The following UBQLN4 variants were observed in gnomAD, a reference collection of about 807,000 sequenced individuals.
The protein encoded by UBQLN4 is ubiquilin-4.
UBQLN4 carries 11 observed loss-of-function variants against 60.4 expected under a neutral mutation model. The observed-to-expected ratio is 0.18, with a 90% confidence interval of 0.11 to 0.30. The LOEUF (loss-of-function observed/expected upper bound fraction) is 0.30, where lower values mean the gene tolerates loss of function less well. Ranked by LOEUF, UBQLN4 falls within the 10% of genes least tolerant of loss-of-function variation. UBQLN4 has a pLI of 1.00. For synonymous variants in UBQLN4, 258 were observed against 313.1 expected, an observed-to-expected ratio of 0.82 and a Z score of 1.86; for missense variants, 417 against 795.5, an observed-to-expected ratio of 0.52 and a Z score of 5.72.
At chr1:156,039,163 C>T (rs775290643) in intron 10 of UBQLN4, among the ~76,000 whole-genome samples, 3 of 151,002 alleles carry the variant, frequency 2.0e-5, no homozygotes, top group South Asian at 2.1e-4. Context: ...AGGCTGGTCT[C>T]GAACTCCTGG....
At chr1:156,038,399 C>T (rs1683461622) in intron 10 of UBQLN4, among the ~76,000 whole-genome samples, 1 of 151,264 alleles carries the variant, frequency 6.6e-6, no homozygotes, top group East Asian at 2.0e-4. Context: ...GTGGCTCATG[C>T]CTGTAATCCC....
chr1:156,042,329 G>C (rs1683589119), intron 7 of UBQLN4, 93 bp from the exon 8 acceptor site: 1 of 1,466,468 alleles, frequency 6.8e-7, no homozygotes, highest in African/African-American at 1.4e-5. Context: ...CCCTACCACT[G>C]CAGGAAATCT....
downstream of UBQLN4, among the ~76,000 whole-genome samples, chr1:156,034,870 T>TATA (rs1683363635): frequency 8.7e-6 from 1 of 115,218 alleles, no homozygotes; most frequent in South Asian, 2.8e-4. Flanking sequence ...TATATATATA[T>TATA]AATTTTTTTT....
In UBQLN4 at chr1:156,053,660, C is replaced by G; in HGVS notation, c.42G>C (p.Arg14=). Residue 14 remains arginine (R), a synonymous_variant, in exon 1 of 11, where the codon CGG becomes CGC. Transcript: ENST00000368309. ...TGTCCTTGGGGGTCTTGACGGTGACCCGAATGGGGGGCCTCGTCTCGGCCC... is the reference window on the plus strand; with the variant it reads ...TGTCCTTGGGGGTCTTGACGGTGACGCGAATGGGGGGCCTCGTCTCGGCCC... ...PSGAETRPPI[R]VTVKTPKDKE... is the part of the protein sequence containing the mutation. The G allele has an allele frequency of 2.2e-6, 3 of 1,364,968 alleles. No individual in the cohort carries two copies. Among genetic ancestry groups the G allele is most frequent in the Non-Finnish European group, 2.9e-6 (3 of 1,049,970 alleles). The allele number at this position is 1,364,968 out of a possible 1,614,324, so 84.6% of individuals were successfully genotyped here.
Position 156,050,736 on chromosome 1 carries a change from C to T in UBQLN4, c.479-183G>A, listed in dbSNP as rs942433671. Among the ~76,000 whole-genome samples the T allele has an allele frequency of 2.0e-5, 3 of 152,194 alleles. No individual in the cohort carries two copies. Among genetic ancestry groups the T allele is most frequent in the Non-Finnish European group, 4.4e-5 (3 of 68,034 alleles). The stretch of plus-strand genomic sequence containing the variant: ...AAAATGTGAGCCTACTAGACTGAGG[C>T]TGTGCCAAACATAGAACTGAGCAGA... On this transcript the variant is annotated intron_variant, in intron 3 of 10. Transcript: ENST00000368309. The surrounding 1 kb of genome is among the most constrained non-coding windows in gnomAD (Gnocchi z 4.6).
At chr1:156,044,331 G>A in intron 5 of UBQLN4, 108 bp from the exon 6 acceptor site, 2 of 1,032,612 alleles carry the variant, frequency 1.9e-6, no homozygotes, top group Non-Finnish European at 2.9e-6. Context: ...AGAAAAGGGA[G>A]AGAGATCTAA....
intron 10 of UBQLN4, among the ~76,000 whole-genome samples, chr1:156,038,103 T>C (rs1683454316): frequency 6.6e-6 from 1 of 152,098 alleles, no homozygotes. Context: ...TGGCTGGGCA[T>C]AGTGGCTCAT....
chr1:156,044,347 T>A, intron 5 of UBQLN4, 124 bp from the exon 6 acceptor site: 2 of 865,746 alleles, frequency 2.3e-6, no homozygotes, highest in South Asian at 3.3e-5. Flanking sequence ...TCTAAGACCT[T>A]AGAGGTCCTC....
chr1:156,048,406 G>A lies in UBQLN4; in HGVS notation c.900+95C>T. 1 of 1,437,664 alleles carries A rather than the reference G, an allele frequency of 7.0e-7. No individual in the cohort carries two copies. The highest frequency in any genetic ancestry group is 9.4e-7 in the Non-Finnish European group (1 of 1,067,442). The allele number at this position is 1,437,664 out of a possible 1,614,324, so 89.1% of individuals were successfully genotyped here. A position where few individuals can be genotyped will look rare whatever the true frequency, so the allele number is the denominator to read the frequency against. On this transcript the variant is annotated intron_variant, in intron 5 of 10. Transcript: ENST00000368309. This position sits in a 1 kb window ranked among gnomAD's most constrained non-coding sequence, Gnocchi z 4.9. Reference sequence around the variant, plus strand: ...AAGGCCCACCCCTCAGGGGACTGGGGAAAGAAAGAAGAGCAGGCCCAGGTT... The same window carrying A: ...AAGGCCCACCCCTCAGGGGACTGGGAAAAGAAAGAAGAGCAGGCCCAGGTT...
At chr1:156,040,342 T>G (rs1226328538) in intron 10 of UBQLN4, among the ~76,000 whole-genome samples, 1 of 150,896 alleles carries the variant, frequency 6.6e-6, no homozygotes, top group Non-Finnish European at 1.5e-5. Context: ...GTTGCGCCAT[T>G]GCACTCCAGC....
At chr1:156,044,625 G>A (rs775413580) in intron 5 of UBQLN4, among the ~76,000 whole-genome samples, 5 of 152,172 alleles carry the variant, frequency 3.3e-5, no homozygotes, top group Non-Finnish European at 5.9e-5. Context: ...CCCCAGCCCC[G>A]ACACTAGTAG....
chr1:156,039,245 C>CTT lies in UBQLN4; in HGVS notation c.1654-2117_1654-2116dup, dbSNP rs34866268. Among the ~76,000 whole-genome samples the CTT allele has an allele frequency of 2.4e-3, 198 of 82,486 alleles. 1 individual carries two copies. The highest frequency in any genetic ancestry group is 5.8e-3 in the East Asian group (21 of 3,652). The allele number at this position is 82,486 out of a possible 152,430, so 54.1% of individuals were successfully genotyped here. A position where few individuals can be genotyped will look rare whatever the true frequency, so the allele number is the denominator to read the frequency against. On this transcript the variant is annotated intron_variant, in intron 10 of 10. Coordinates refer to ENST00000368309, the MANE Select transcript of UBQLN4 (RefSeq NM_020131.5). Reference sequence around the variant, plus strand: ...GGCATGAGCCACACTCCTGGCCTGGCTTTTTTTTTTTTTTTTTTTTTTGAG... The same window carrying CTT: ...GGCATGAGCCACACTCCTGGCCTGGCTTTTTTTTTTTTTTTTTTTTTTTTGAG...
chr1:156,037,254 A>G, intron 10 of UBQLN4, 124 bp from the exon 11 acceptor site: 1 of 1,254,682 alleles, frequency 8.0e-7, no homozygotes, highest in Non-Finnish European at 1.1e-6. Flanking sequence ...AGGGCAGGGA[A>G]GATGAGCTGC....
At position 156,050,978 on chromosome 1, in the gene UBQLN4, T is replaced by C. The variant is rs1257543204; in HGVS notation, c.478+132A>G. On this transcript the variant is annotated intron_variant, in intron 3 of 10. Coordinates refer to ENST00000368309, the MANE Select transcript of UBQLN4 (RefSeq NM_020131.5). This position sits in a 1 kb window ranked among gnomAD's most constrained non-coding sequence, Gnocchi z 4.6. ...TTCCCCAGCTTGACTCAAGTATCAATGTCTGGAACTCTGTCATGGGGTCCC... is the reference window on the plus strand; with the variant it reads ...TTCCCCAGCTTGACTCAAGTATCAACGTCTGGAACTCTGTCATGGGGTCCC... 8.3e-6 allele frequency: 7 copies of C among 839,684 alleles called. No homozygotes were observed. Among genetic ancestry groups the C allele is most frequent in the Non-Finnish European group, 1.3e-5 (7 of 524,374 alleles). 52.0% of individuals were successfully genotyped at this position (839,684 alleles called of 1,614,324 possible).
chr1:156,043,954 C>T, intron 6 of UBQLN4, 44 bp downstream of exon 6: 1 of 1,594,546 alleles, frequency 6.3e-7, no homozygotes. Context: ...GACAGAGGGG[C>T]TGCCCTGGTG....
intron 7 of UBQLN4, 106 bp from the exon 8 acceptor site, chr1:156,042,342 C>T: frequency 3.4e-6 from 5 of 1,450,954 alleles, no homozygotes; most frequent in Non-Finnish European, 4.5e-6. Flanking sequence ...GGAAATCTGG[C>T]CAGCTTCTCC....
At chr1:156,049,673 A>G (rs1572280001) in intron 4 of UBQLN4, among the ~76,000 whole-genome samples, 1 of 152,198 alleles carries the variant, frequency 6.6e-6, no homozygotes, top group Non-Finnish European at 1.5e-5. Context: ...CAAAACACTC[A>G]CAAGTCCTTG....
chr1:156,034,871 A>ATATATATATATATAT (rs60215858), downstream of UBQLN4, among the ~76,000 whole-genome samples: 83 of 69,996 alleles, frequency 1.2e-3, no homozygotes, highest in Non-Finnish European at 1.8e-3. Context: ...ATATATATAT[A>ATATATATATATATAT]ATTTTTTTTT....
intron 7 of UBQLN4, 98 bp downstream of exon 7, chr1:156,042,676 C>T: frequency 6.6e-7 from 1 of 1,515,136 alleles, no homozygotes; most frequent in Non-Finnish European, 8.9e-7. Context: ...GATGCAAACC[C>T]AGGCAGTCTG....
Sources: gnomAD v4.1 joint callset for allele counts (sites outside exome capture counted in the v4.1 genomes callset) on GRCh38, gnomAD v4.1.1 for gene constraint, Gnocchi (gnomAD v3.1) non-coding constraint, MANE v1.5 for transcripts, NCBI Gene and HGNC (gene_info 2026-07-23, HGNC 2026-07-21) for gene names.